The following SCML4 variants were observed in gnomAD, a reference collection of about 807,000 sequenced individuals.
SCML4 encodes sex comb on midleg-like protein 4.
Under a neutral mutation model 41.1 loss-of-function variants are expected in SCML4, and 34 were observed. That is an observed-to-expected ratio of 0.83 (90% CI 0.63 to 1.10). The LOEUF (loss-of-function observed/expected upper bound fraction) is 1.10, where lower values mean the gene tolerates loss of function less well. Among genes scored for constraint, SCML4 ranks in the 50% least tolerant of loss-of-function variants. The probability of loss-of-function intolerance (pLI) is 0.00; values close to 1 mark genes in which losing one functional copy is unlikely to be tolerated. For synonymous variants in SCML4, 214 were observed against 220.9 expected (o/e 0.97, Z 0.28); for missense variants, 522 against 534.1 (o/e 0.98, Z 0.22).
intron 2 of SCML4, among the ~76,000 whole-genome samples, chr6:107,766,998 T>G (rs966931831): frequency 6.6e-6 from 1 of 150,728 alleles, no homozygotes; most frequent in African/African-American, 2.4e-5. Flanking sequence ...GTCACTAGGC[T>G]GGAGCGCAGT....
At chr6:107,752,390 G>A (rs1778770441) in intron 2 of SCML4, among the ~76,000 whole-genome samples, 1 of 151,978 alleles carries the variant, frequency 6.6e-6, no homozygotes, top group Admixed American at 6.6e-5. Context: ...TGTACATTTG[G>A]GAATCATGAA....
At chr6:107,738,051 A>T (rs1476944197) in intron 5 of SCML4, among the ~76,000 whole-genome samples, 1 of 152,180 alleles carries the variant, frequency 6.6e-6, no homozygotes, top group African/African-American at 2.4e-5. Flanking sequence ...GCTAAAGCAT[A>T]TTTATACTTG....
chr6:107,803,997 T>C (rs1009764893), intron 1 of SCML4, among the ~76,000 whole-genome samples: 2 of 149,854 alleles, frequency 1.3e-5, no homozygotes, highest in South Asian at 4.2e-4. Flanking sequence ...ACTATTGTCC[T>C]GTGACCCTGC....
chr6:107,772,292 G>T lies in SCML4; in HGVS notation c.36C>A (p.Gly12=). The change falls in exon 2 of 8, where the codon GGC becomes GGA. Residue 12 remains glycine, a synonymous_variant. Coordinates refer to ENST00000369020, the MANE Select transcript of SCML4 (RefSeq NM_198081.5). ...TAGGCGTGGAGTGAAGTGAGGGTCG[G>T]CCTCGCTTTCTCCCCGGGATCCTTT... ...QSQRIPGRKR[G]RPSLHSTPMK... is the part of the protein sequence containing the mutation. 1 of 1,551,598 alleles carries T rather than the reference G, an allele frequency of 6.4e-7. No homozygotes were observed. The highest frequency in any genetic ancestry group is 8.7e-7 in the Non-Finnish European group (1 of 1,146,904).
At chr6:107,789,119 G>T (rs1318020164) in intron 1 of SCML4, among the ~76,000 whole-genome samples, 3 of 152,158 alleles carry the variant, frequency 2.0e-5, no homozygotes, top group Non-Finnish European at 4.4e-5. Context: ...TGTTGGTTCC[G>T]CAGGCTTCAC....
intron 2 of SCML4, 148 bp downstream of exon 2, chr6:107,772,024 C>T: frequency 1.6e-6 from 1 of 637,758 alleles, no homozygotes; most frequent in East Asian, 2.9e-5. Flanking sequence ...GAGACCTCAT[C>T]CGTCACATAC....
At chr6:107,753,918 T>C (rs1398177413) in intron 2 of SCML4, among the ~76,000 whole-genome samples, 1 of 151,798 alleles carries the variant, frequency 6.6e-6, no homozygotes, top group Admixed American at 6.6e-5. Context: ...AATGCTGGGG[T>C]GGGTGGATGT....
At chr6:107,791,081 A>AG (rs926283775) in intron 1 of SCML4, among the ~76,000 whole-genome samples, 1 of 151,810 alleles carries the variant, frequency 6.6e-6, no homozygotes, top group Non-Finnish European at 1.5e-5. Flanking sequence ...AAAAAAAAAA[A>AG]AAAGCACTGA....
At chr6:107,744,295 C>G (rs1777860040) in intron 5 of SCML4, among the ~76,000 whole-genome samples, 1 of 152,158 alleles carries the variant, frequency 6.6e-6, no homozygotes, top group Non-Finnish European at 1.5e-5. Context: ...GCCTGTGTGG[C>G]CTTGCTACCC....
chr6:107,763,542 A>G (rs1779786477), intron 2 of SCML4, among the ~76,000 whole-genome samples: 1 of 152,046 alleles, frequency 6.6e-6, no homozygotes, highest in Admixed American at 6.6e-5. Context: ...ACCCGCCACC[A>G]CACCCAGCTA....
chr6:107,768,791 A>T lies in SCML4; in HGVS notation c.156+3381T>A, dbSNP rs531858591. On this transcript the variant is annotated intron_variant, in intron 2 of 7. Transcript: ENST00000369020. ...GTATTATTATTACCTTTTATTGGGG[A>T]CAAACAACTACTTTTCAAAACCCAG... is the stretch of plus-strand genomic sequence containing the variant. 1.8e-4 allele frequency among the ~76,000 whole-genome samples: 27 copies of T among 152,336 alleles called. No homozygotes were observed. In the East Asian group the frequency reaches 4.0e-3, roughly 23 times the overall value.
At chr6:107,825,161 A>T (rs1024049296), upstream of SCML4, among the ~76,000 whole-genome samples, 1 of 152,204 alleles carries the variant, frequency 6.6e-6, no homozygotes, top group Non-Finnish European at 1.5e-5. Flanking sequence ...TCTTTTTGTA[A>T]AGTGGAGCAG....
intron 1 of SCML4, among the ~76,000 whole-genome samples, chr6:107,803,241 C>G (rs1005231507): frequency 1.3e-4 from 18 of 143,226 alleles, no homozygotes; most frequent in East Asian, 6.5e-4. Context: ...GCCCGGCCGC[C>G]CTGTCTGAGA....
rs147639714 is a variant in SCML4 at position 107,767,177 on chromosome 6, C to T, written c.156+4995G>A. ...TTCACCATGTTGTCCAGGGTGGTCT[C>T]GATCTCCTGACCTCGTGATCCATCC... On this transcript the variant is annotated intron_variant, in intron 2 of 7. Coordinates refer to ENST00000369020, the MANE Select transcript of SCML4 (RefSeq NM_198081.5). 5.9e-3 allele frequency among the ~76,000 whole-genome samples: 890 copies of T among 152,004 alleles called. 3 individuals carry two copies. The highest frequency in any genetic ancestry group is 8.8e-3 in the Admixed American group (134 of 15,268).
intron 1 of SCML4, among the ~76,000 whole-genome samples, chr6:107,806,791 T>C (rs1783763278): frequency 6.6e-6 from 1 of 152,204 alleles, no homozygotes; most frequent in Admixed American, 6.5e-5. Context: ...ACATGGCCAT[T>C]CCCAAAGCTG....
chr6:107,795,726 A>T (rs548205694), intron 1 of SCML4, among the ~76,000 whole-genome samples: 1 of 151,988 alleles, frequency 6.6e-6, no homozygotes, highest in South Asian at 2.1e-4. Flanking sequence ...ATGGTGTTTC[A>T]CCATGTGGGC....
chr6:107,708,552 G>A (rs1448824921), intron 6 of SCML4, among the ~76,000 whole-genome samples: 1 of 152,180 alleles, frequency 6.6e-6, no homozygotes, highest in Admixed American at 6.5e-5. Flanking sequence ...TCTGCAGAAT[G>A]CAAGTGTGCC....
At chr6:107,721,041 G>A (rs765397627) in intron 5 of SCML4, 48 bp from the exon 6 acceptor site, 2 of 1,540,298 alleles carry the variant, frequency 1.3e-6, no homozygotes, top group Non-Finnish European at 1.7e-6. Context: ...GAGCAGTTCA[G>A]GAAGCTATCA....
At chr6:107,772,874 A>G (rs1430267701) in intron 1 of SCML4, among the ~76,000 whole-genome samples, 3 of 152,222 alleles carry the variant, frequency 2.0e-5, no homozygotes, top group African/African-American at 7.2e-5. Context: ...GATCAAATCA[A>G]TTGTATGAAA....
Sources: gnomAD v4.1 joint callset for allele counts (sites outside exome capture counted in the v4.1 genomes callset) on GRCh38, gnomAD v4.1.1 for gene constraint, MANE v1.5 for transcripts, NCBI Gene and HGNC (gene_info 2026-07-23, HGNC 2026-07-21) for gene names.